MGST1: variants seen among roughly 807,000 people sequenced by gnomAD.
The protein encoded by MGST1 is microsomal glutathione S-transferase 1.
A neutral mutation model predicts 8.9 loss-of-function variants in MGST1; 5 were observed. The observed-to-expected ratio is 0.56, with a 90% CI of 0.29 to 1.19. MGST1 has a LOEUF of 1.19. Among genes scored for constraint, MGST1 ranks in the 50% most tolerant of loss-of-function variants. The pLI is 0.08. For missense variants in MGST1, 182 were observed against 187.4 expected (o/e 0.97, Z 0.17); for synonymous variants, 54 against 67.8 (o/e 0.80, Z 1.00).
At chr12:16,505,587 A>G (rs535692322) in intron 4 of MGST1, among the ~76,000 whole-genome samples, 4 of 152,246 alleles carry the variant, frequency 2.6e-5, no homozygotes, top group African/African-American at 9.6e-5. Context: ...AGTTCCGGCA[A>G]TTTCATGGAA....
intron 4 of MGST1, among the ~76,000 whole-genome samples, chr12:16,541,389 T>G (rs945111332): frequency 6.6e-6 from 1 of 152,220 alleles, no homozygotes; most frequent in African/African-American, 2.4e-5. Flanking sequence ...TGAAATACCC[T>G]TGAATGGCCT....
chr12:16,395,806 C>T (rs7304386), intron 1 of MGST1, among the ~76,000 whole-genome samples: 4,794 of 99,902 alleles, frequency 0.048, 272 homozygotes, highest in African/African-American at 0.13. Flanking sequence ...TATATATATA[C>T]ACACACACAC....
intron 4 of MGST1, among the ~76,000 whole-genome samples, chr12:16,492,601 A>G (rs897754906): frequency 1.3e-5 from 2 of 152,092 alleles, no homozygotes; most frequent in African/African-American, 2.4e-5. Context: ...GCACTCACCA[A>G]TTTTCATATT....
At position 16,560,349 on chromosome 12, in the gene MGST1, TTAAA is replaced by T. The variant is rs1942355936; in HGVS notation, n.483-29172_483-29169del. 7.9e-6 allele frequency: 12 copies of T among 1,518,016 alleles called. No individual in the cohort carries two copies. Among genetic ancestry groups the T allele is most frequent in the Admixed American group, 4.1e-5 (2 of 48,320 alleles). The allele number at this position is 1,518,016 out of a possible 1,614,324, so 94.0% of individuals were successfully genotyped here. On this transcript the variant is annotated intron_variant and non_coding_transcript_variant, in intron 4 of 4. Coordinates refer to the MGST1 transcript ENST00000538857. The surrounding 1 kb of genome is among the most constrained non-coding windows in gnomAD (Gnocchi z 5.0). ...AATGTATGAATATAATTTCCACCTATTAAATAAATAGCCAGCACAGAGAGGTTAA... is the reference window on the plus strand; with the variant it reads ...AATGTATGAATATAATTTCCACCTATTAAATAGCCAGCACAGAGAGGTTAA...
rs533379823 is a variant in MGST1, at chr12:16,357,615, A to G, written c.137A>G (p.Asn46Ser). 20 of 1,613,240 alleles carry G rather than the reference A, an allele frequency of 1.2e-5. No individual in the cohort carries two copies. The highest frequency in any genetic ancestry group is 5.5e-5 in the South Asian group (5 of 90,830). The change falls in exon 3 of 4, where the codon AAT becomes AGT. Residue 46 changes from asparagine (N) to serine (S), a missense_variant. By Grantham distance (46) the Asn-to-Ser change is conservative. Transcript: ENST00000396210. ...TTGGTATTTGGATAGGTTTTTGCCA[A>G]TCCAGAAGACTGTGTAGCATTTGGC... Reference protein sequence around the residue: ...FYRLTRKVFANPEDCVAFGKG... With the variant: ...FYRLTRKVFASPEDCVAFGKG...
At chr12:16,355,455 C>T (rs1939675187) in intron 2 of MGST1, among the ~76,000 whole-genome samples, 1 of 152,134 alleles carries the variant, frequency 6.6e-6, no homozygotes, top group South Asian at 2.1e-4. Flanking sequence ...GTGATCCACC[C>T]ACCTTGGCCT....
At position 16,518,950 on chromosome 12, in the gene MGST1, G is replaced by C. The variant is rs141197534; in HGVS notation, n.483-70578G>C. ...GGAATTCTTTCATATGCTTCTAATCGGGTAGATAAGTTGTGTATGATTTAT... is the reference window on the plus strand; with the variant it reads ...GGAATTCTTTCATATGCTTCTAATCCGGTAGATAAGTTGTGTATGATTTAT... On this transcript the variant is annotated intron_variant and non_coding_transcript_variant, in intron 4 of 4. Coordinates refer to the MGST1 transcript ENST00000538857. Among the ~76,000 whole-genome samples, 3 of 152,224 alleles carry C rather than the reference G, an allele frequency of 2.0e-5. No individual in the cohort carries two copies. The East Asian group carries it at 5.8e-4, about 29-fold the overall frequency.
intron 4 of MGST1, among the ~76,000 whole-genome samples, chr12:16,556,890 G>A (rs1287279969): frequency 6.6e-6 from 1 of 152,130 alleles, no homozygotes; most frequent in East Asian, 1.9e-4. Flanking sequence ...CTAAAGATAT[G>A]CAGTCCCATT....
chr12:16,432,302 C>T (rs1229322707), intron 1 of MGST1, among the ~76,000 whole-genome samples: 1 of 152,106 alleles, frequency 6.6e-6, no homozygotes, highest in African/African-American at 2.4e-5. Flanking sequence ...CAACTTATCA[C>T]GTAGTGGATT....
At chr12:16,534,148 C>G (rs1228143482) in intron 4 of MGST1, among the ~76,000 whole-genome samples, 1 of 151,940 alleles carries the variant, frequency 6.6e-6, no homozygotes, top group East Asian at 1.9e-4. Context: ...CTTACTTTTC[C>G]AAACAATAAA....
rs1941701121 is a variant in MGST1 at position 16,528,210 on chromosome 12, C to T, written n.483-61318C>T. On this transcript the variant is annotated intron_variant and non_coding_transcript_variant, in intron 4 of 4. Transcript: ENST00000538857. ...CCTTTTTCATTTTGTGGGGATAACC[C>T]ATACATTTTCACTGACTGCATTGCC... Among the ~76,000 whole-genome samples, 3 of 151,982 alleles carry T rather than the reference C, an allele frequency of 2.0e-5. 1 individual carries two copies. Among genetic ancestry groups the T allele is most frequent in the Admixed American group, 2.0e-4 (3 of 15,220 alleles).
At chr12:16,366,455 T>A (rs1393798407), downstream of MGST1, among the ~76,000 whole-genome samples, 1 of 152,000 alleles carries the variant, frequency 6.6e-6, no homozygotes, top group East Asian at 1.9e-4. This position sits in a 1 kb window ranked among gnomAD's most constrained non-coding sequence, Gnocchi z 4.0. Flanking sequence ...GGCTCTAGAG[T>A]GAAGTCTGTG....
exon 4 of MGST1, chr12:16,376,322 A>C: frequency 4.2e-6 from 2 of 478,960 alleles, no homozygotes; most frequent in Non-Finnish European, 3.7e-6. Flanking sequence ...ACAAAAAGAC[A>C]ATCGGAAATT....
chr12:16,348,139 G>A (rs1029420042), intron 1 of MGST1, among the ~76,000 whole-genome samples: 4 of 152,228 alleles, frequency 2.6e-5, no homozygotes, highest in Admixed American at 6.5e-5. Context: ...CATGGGCATA[G>A]TGGCCTTTAT....
chr12:16,360,030 T>C (rs1489233077), intron 3 of MGST1, among the ~76,000 whole-genome samples: 2 of 152,178 alleles, frequency 1.3e-5, no homozygotes, highest in African/African-American at 4.8e-5. Context: ...CCCAGTTCTG[T>C]AAAGGTTCCG....
downstream of MGST1, among the ~76,000 whole-genome samples, chr12:16,365,869 C>A (rs753410151): frequency 1.3e-5 from 2 of 152,096 alleles, no homozygotes; most frequent in Non-Finnish European, 2.9e-5. Flanking sequence ...GTATGTGGAG[C>A]AATTTGAAAA....
chr12:16,461,956 C>T (rs1011304760), intron 4 of MGST1, among the ~76,000 whole-genome samples: 2 of 152,096 alleles, frequency 1.3e-5, no homozygotes, highest in Non-Finnish European at 2.9e-5. Flanking sequence ...ACACTGAATT[C>T]CGGATATACC....
intron 4 of MGST1, among the ~76,000 whole-genome samples, chr12:16,464,974 T>C (rs1356884153): frequency 6.6e-6 from 1 of 152,344 alleles, no homozygotes; most frequent in African/African-American, 2.4e-5. Context: ...ACAGCAGTGC[T>C]CTGTGTTGTT....
chr12:16,584,312 C>T lies in MGST1; in HGVS notation n.483-5216C>T, dbSNP rs1943252188. ...ATTTACATGAGTAAGTAGTACCTTG[C>T]ACCTGTTGACAGCTGAAAGAAAAGT... is the stretch of plus-strand genomic sequence containing the variant. On this transcript the variant is annotated intron_variant and non_coding_transcript_variant, in intron 4 of 4. Coordinates refer to the MGST1 transcript ENST00000538857. The surrounding 1 kb of genome is among the most constrained non-coding windows in gnomAD (Gnocchi z 5.2). 6.6e-6 allele frequency among the ~76,000 whole-genome samples: 1 copy of T among 152,100 alleles called. No individual in the cohort carries two copies.
Sources: gnomAD v4.1 joint callset for allele counts (sites outside exome capture counted in the v4.1 genomes callset) on GRCh38, gnomAD v4.1.1 for gene constraint, Gnocchi (gnomAD v3.1) non-coding constraint, MANE v1.5 for transcripts, NCBI Gene and HGNC (gene_info 2026-07-23, HGNC 2026-07-21) for gene names.